RAC3: variants seen among roughly 807,000 people sequenced by gnomAD.
RAC3 encodes the protein Rac family small GTPase 3, also known as ras-related C3 botulinum toxin substrate 3.
In RAC3, 9 loss-of-function variants were observed where a neutral mutation model predicts 19.0. The observed-to-expected ratio is 0.47, with a 90% CI of 0.29 to 0.83. The LOEUF is 0.83. RAC3 is among the 40% of genes least tolerant of loss of function. RAC3 has a pLI of 0.09. For missense variants in RAC3, 203 were observed against 260.8 expected (o/e 0.78, Z 1.53); for synonymous variants, 146 against 111.8 (o/e 1.31, Z -1.93).
At chr17:82,032,206 C>T in intron 1 of RAC3, 181 bp from the exon 2 acceptor site, 1 of 618,686 alleles carries the variant, frequency 1.6e-6, no homozygotes, top group East Asian at 2.8e-5. Flanking sequence ...CCCCAGCCCC[C>T]GGAGCCCGGC....
chr17:82,033,470 C>T lies in RAC3; in HGVS notation c.319C>T (p.His107Tyr). The T allele has an allele frequency of 6.2e-7, 1 of 1,611,336 alleles. No homozygotes were observed. Among genetic ancestry groups the T allele is most frequent in the East Asian group, 2.2e-5 (1 of 44,858 alleles). ...WYPEVRHHCPHTPILLVGTKL... is the reference protein window; with the variant it reads ...WYPEVRHHCPYTPILLVGTKL... ...CCCGGAGGTGCGGCACCACTGCCCC[C>T]ACACGCCCATCCTCCTGGTGGGCAC... Residue 107 changes from histidine (H) to tyrosine (Y), a missense_variant, in exon 5 of 6, where the codon CAC becomes TAC. Physicochemically the swap from His to Tyr is moderately conservative, Grantham distance 83. Transcript: ENST00000306897. This position sits in a 1 kb window ranked among gnomAD's most constrained non-coding sequence, Gnocchi z 6.2.
At chr17:82,032,345 C>T (rs750447889) in intron 1 of RAC3, 42 bp from the exon 2 acceptor site, 5 of 1,604,360 alleles carry the variant, frequency 3.1e-6, no homozygotes, top group African/African-American at 1.3e-5. Flanking sequence ...GCAGAGGGTC[C>T]GAGGCCGGGC....
chr17:82,034,070 G>A lies in RAC3; in HGVS notation c.*241G>A, dbSNP rs1023861963. On this transcript the variant is annotated 3_prime_UTR_variant, in exon 6 of 6. Coordinates refer to ENST00000306897, the MANE Select transcript of RAC3 (RefSeq NM_005052.3). The stretch of plus-strand genomic sequence containing the variant: ...CGGGAGGGAGCAGGGTCTCCCTCAG[G>A]GCTGCAGGGGCAGGTGCAGGGAAGC... The A allele has an allele frequency of 8.2e-4, 287 of 348,636 alleles. 1 individual carries two copies. Among genetic ancestry groups the A allele is most frequent in the Non-Finnish European group, 9.4e-4 (181 of 193,164 alleles). The allele number at this position is 348,636 out of a possible 1,614,324, so 21.6% of individuals were successfully genotyped here.
Position 82,033,406 on chromosome 17 carries a change from C to G in RAC3, c.289-34C>G. 5 of 1,550,126 alleles carry G rather than the reference C, an allele frequency of 3.2e-6. No homozygotes were observed. The highest frequency in any genetic ancestry group is 4.4e-6 in the Non-Finnish European group (5 of 1,149,066). On this transcript the variant is annotated intron_variant, in intron 4 of 5. Transcript: ENST00000306897. This position sits in a 1 kb window ranked among gnomAD's most constrained non-coding sequence, Gnocchi z 6.2. ...TCAGGTGGGGCTGGGGTAGCCGACT[C>G]CGGGCCTAGGGATCAGAGCGTCTGT...
At chr17:82,032,220 C>T in intron 1 of RAC3, 167 bp from the exon 2 acceptor site, 1 of 642,586 alleles carries the variant, frequency 1.6e-6, no homozygotes, top group Non-Finnish European at 2.7e-6. Context: ...GCCCGGCCTG[C>T]CCAGGTCGTC....
rs765543526 is a variant in RAC3, at chr17:82,032,497, G to A, written c.107+39G>A. 3.1e-6 allele frequency: 5 copies of A among 1,600,578 alleles called. No individual in the cohort carries two copies. In the East Asian group the frequency reaches 8.9e-5, roughly 29 times the overall value. The stretch of plus-strand genomic sequence containing the variant: ...CTTCCCGGGAGAGCACAGGCCCTCC[G>A]TGTGAGTGTGGCATGGGGGGGACAC... On this transcript the variant is annotated intron_variant, in intron 2 of 5. Transcript: ENST00000306897.
intron 2 of RAC3, 113 bp downstream of exon 2, chr17:82,032,571 C>T: frequency 6.8e-7 from 1 of 1,460,966 alleles, no homozygotes; most frequent in South Asian, 1.2e-5. Context: ...GGCCCTGTCT[C>T]TGGGCTTCCC....
intron 1 of RAC3, chr17:82,032,101 C>T (rs994906918): frequency 1.1e-5 from 5 of 474,528 alleles, no homozygotes; most frequent in African/African-American, 8.0e-5. Context: ...CTGGGCTGAA[C>T]CCTCAGCCGG....
At position 82,033,665 on chromosome 17, in the gene RAC3, C is replaced by A; in HGVS notation, c.449-34C>A. 6.2e-7 allele frequency: 1 copy of A among 1,606,134 alleles called. No homozygotes were observed. The highest frequency in any genetic ancestry group is 8.5e-7 in the Non-Finnish European group (1 of 1,174,720). On this transcript the variant is annotated intron_variant, in intron 5 of 5. Coordinates refer to ENST00000306897, the MANE Select transcript of RAC3 (RefSeq NM_005052.3). This position sits in a 1 kb window ranked among gnomAD's most constrained non-coding sequence, Gnocchi z 6.2. ...GCGCAGTAAGGGCCTCCCTGTACCCCACCCTCACTGTCTCCCCTCCTCACT... is the reference window on the plus strand; with the variant it reads ...GCGCAGTAAGGGCCTCCCTGTACCCAACCCTCACTGTCTCCCCTCCTCACT...
Position 82,033,663 on chromosome 17 carries a change from C to G in RAC3, c.449-36C>G, listed in dbSNP as rs2144160413. ...AGGCGCAGTAAGGGCCTCCCTGTAC[C>G]CCACCCTCACTGTCTCCCCTCCTCA... is the stretch of plus-strand genomic sequence containing the variant. On this transcript the variant is annotated intron_variant, in intron 5 of 5. Coordinates refer to ENST00000306897, the MANE Select transcript of RAC3 (RefSeq NM_005052.3). This position sits in a 1 kb window ranked among gnomAD's most constrained non-coding sequence, Gnocchi z 6.2. 1 of 1,605,976 alleles carries G rather than the reference C, an allele frequency of 6.2e-7. No individual in the cohort carries two copies. The highest frequency in any genetic ancestry group is 1.1e-5 in the South Asian group (1 of 90,716).
intron 1 of RAC3, 123 bp downstream of exon 1, chr17:82,031,919 C>T: frequency 2.7e-6 from 1 of 366,846 alleles, no homozygotes; most frequent in Non-Finnish European, 3.8e-6. Flanking sequence ...CCCGCCGTAC[C>T]CCGCCCGAGC....
In RAC3 at chr17:82,033,742, C is replaced by T. The variant is rs760773952; in HGVS notation, c.492C>T (p.Gly164=). 6.2e-7 allele frequency: 1 copy of T among 1,612,968 alleles called. No individual in the cohort carries two copies. Among genetic ancestry groups the T allele is most frequent in the African/African-American group, 1.3e-5 (1 of 74,924 alleles). ...AGTGCTCAGCCCTGACCCAGCGGGG[C>T]CTGAAGACAGTGTTTGACGAGGCGA... ...YLECSALTQR[G]LKTVFDEAIR... Residue 164 remains glycine, a synonymous_variant, in exon 6 of 6, where the codon GGC becomes GGT. Coordinates refer to ENST00000306897, the MANE Select transcript of RAC3 (RefSeq NM_005052.3). The surrounding 1 kb of genome is among the most constrained non-coding windows in gnomAD (Gnocchi z 6.2).
In RAC3 at chr17:82,033,048, G is replaced by T; in HGVS notation, c.288+39G>T. 1 of 1,576,374 alleles carries T rather than the reference G, an allele frequency of 6.3e-7. No homozygotes were observed. The stretch of plus-strand genomic sequence containing the variant: ...GGGGGCCCCTGTGGGGAGAGGGCTT[G>T]CCCCAGTACCTGCCCCGACAAGTTG... On this transcript the variant is annotated intron_variant, in intron 4 of 5. Transcript: ENST00000306897. This position sits in a 1 kb window ranked among gnomAD's most constrained non-coding sequence, Gnocchi z 6.2.
intron 2 of RAC3, 88 bp downstream of exon 2, chr17:82,032,546 C>T: frequency 6.6e-7 from 1 of 1,524,022 alleles, no homozygotes; most frequent in East Asian, 2.3e-5. Context: ...TCTGGGCTTC[C>T]ACGTCGGCTC....
At position 82,033,672 on chromosome 17, in the gene RAC3, A is replaced by T; in HGVS notation, c.449-27A>T. Reference sequence around the variant, plus strand: ...AAGGGCCTCCCTGTACCCCACCCTCACTGTCTCCCCTCCTCACTGCCGCTA... The same window carrying T: ...AAGGGCCTCCCTGTACCCCACCCTCTCTGTCTCCCCTCCTCACTGCCGCTA... On this transcript the variant is annotated intron_variant, in intron 5 of 5. Coordinates refer to ENST00000306897, the MANE Select transcript of RAC3 (RefSeq NM_005052.3). The surrounding 1 kb of genome is among the most constrained non-coding windows in gnomAD (Gnocchi z 6.2). 4 of 1,606,404 alleles carry T rather than the reference A, an allele frequency of 2.5e-6. No individual in the cohort carries two copies. Among genetic ancestry groups the T allele is most frequent in the Non-Finnish European group, 3.4e-6 (4 of 1,174,840 alleles).
In RAC3 at chr17:82,032,705, C is replaced by T. The variant is rs759630823; in HGVS notation, c.108-6C>T. 4 of 1,612,276 alleles carry T rather than the reference C, an allele frequency of 2.5e-6. No individual in the cohort carries two copies. Among genetic ancestry groups the T allele is most frequent in the Admixed American group, 3.3e-5 (2 of 60,032 alleles). On this transcript the variant is annotated splice_region_variant and splice_polypyrimidine_tract_variant and intron_variant, in intron 2 of 5. Coordinates refer to ENST00000306897, the MANE Select transcript of RAC3 (RefSeq NM_005052.3). ...AAGCCCTGACCCTGCCCTCACTGCT[C>T]TGCAGTTTTGACAACTACTCTGCCA...
In RAC3 at chr17:82,033,025, G is replaced by C; in HGVS notation, c.288+16G>C. ...TCGTGCCAAGGTAGGGCAAGGCTGG[G>C]GGCCCCTGTGGGGAGAGGGCTTGCC... On this transcript the variant is annotated intron_variant, in intron 4 of 5. Coordinates refer to ENST00000306897, the MANE Select transcript of RAC3 (RefSeq NM_005052.3). The surrounding 1 kb of genome is among the most constrained non-coding windows in gnomAD (Gnocchi z 6.2). 1 of 1,608,856 alleles carries C rather than the reference G, an allele frequency of 6.2e-7. No individual in the cohort carries two copies. The highest frequency in any genetic ancestry group is 8.5e-7 in the Non-Finnish European group (1 of 1,176,324).
Position 82,033,179 on chromosome 17 carries a change from C to A in RAC3, c.288+170C>A, listed in dbSNP as rs1339811514. Among the ~76,000 whole-genome samples the A allele has an allele frequency of 6.6e-6, 1 of 152,168 alleles. No individual in the cohort carries two copies. On this transcript the variant is annotated intron_variant, in intron 4 of 5. Transcript: ENST00000306897. The surrounding 1 kb of genome is among the most constrained non-coding windows in gnomAD (Gnocchi z 6.2). ...TGGGGTGCCGTGGTGGTGGTCACAG[C>A]TCTCAGAATGGAGGGTTCTGAGGGC...
chr17:82,032,013 C>G (rs1229144648), intron 1 of RAC3: 4 of 194,370 alleles, frequency 2.1e-5, no homozygotes, highest in African/African-American at 7.0e-5. Flanking sequence ...TGATGCTGCC[C>G]GGCTCCCGCT....
Sources: gnomAD v4.1 joint callset for allele counts (sites outside exome capture counted in the v4.1 genomes callset) on GRCh38, gnomAD v4.1.1 for gene constraint, Gnocchi (gnomAD v3.1) non-coding constraint, MANE v1.5 for transcripts, NCBI Gene and HGNC (gene_info 2026-07-23, HGNC 2026-07-21) for gene names.